PHACTR1: variants seen among roughly 807,000 people sequenced by gnomAD.
PHACTR1 encodes the protein phosphatase and actin regulator 1.
A neutral mutation model predicts 69.2 loss-of-function variants in PHACTR1; 16 were observed. The ratio of observed to expected loss-of-function variants is 0.23; its 90% CI spans 0.16 to 0.35. PHACTR1 has a LOEUF of 0.35. Ranked by LOEUF, PHACTR1 falls within the 10% of genes least tolerant of loss-of-function variation. The pLI is 1.00. For missense variants in PHACTR1, 510 were observed against 734.7 expected (o/e 0.69, Z 3.54); for synonymous variants, 312 against 284.5 (o/e 1.10, Z -0.97).
chr6:13,078,534 A>G (rs1810891973), intron 5 of PHACTR1, among the ~76,000 whole-genome samples: 1 of 152,188 alleles, frequency 6.6e-6, no homozygotes, highest in South Asian at 2.1e-4. Context: ...ATGACAGACT[A>G]TTGCTCTCAA....
In PHACTR1 at chr6:12,885,494, C is replaced by T. The variant is rs747030045; in HGVS notation, c.250+135704C>T. ...GGATAGAGGATGTTTGAGGCTTTGG[C>T]TATTTTTTCCCCCTTTGAAGTTGGA... On this transcript the variant is annotated intron_variant, in intron 4 of 14. Transcript: ENST00000332995. 5.9e-5 allele frequency among the ~76,000 whole-genome samples: 9 copies of T among 152,168 alleles called. No homozygotes were observed. The South Asian group carries it at 8.3e-4, about 14-fold the overall frequency.
chr6:13,102,630 C>T (rs1483603675), intron 5 of PHACTR1, among the ~76,000 whole-genome samples: 7 of 152,138 alleles, frequency 4.6e-5, no homozygotes, highest in African/African-American at 1.7e-4. Context: ...GTTGCCAGAT[C>T]TCTTTTAGGT....
At chr6:12,792,566 T>G (rs1772460596) in intron 4 of PHACTR1, among the ~76,000 whole-genome samples, 1 of 149,758 alleles carries the variant, frequency 6.7e-6, no homozygotes, top group African/African-American at 2.4e-5. Flanking sequence ...TCAAATGCAG[T>G]GCTATAGACC....
At chr6:13,163,026 C>T (rs1759273611) in intron 6 of PHACTR1, among the ~76,000 whole-genome samples, 1 of 152,166 alleles carries the variant, frequency 6.6e-6, no homozygotes, top group Admixed American at 6.5e-5. Flanking sequence ...CGGTGGATCG[C>T]TTGAGGTCAG....
At chr6:13,258,601 G>T (rs967468889) in intron 10 of PHACTR1, among the ~76,000 whole-genome samples, 1 of 152,212 alleles carries the variant, frequency 6.6e-6, no homozygotes, top group South Asian at 2.1e-4. Context: ...CACTAGTCTC[G>T]TGAAGGGTGA....
intron 4 of PHACTR1, among the ~76,000 whole-genome samples, chr6:12,841,842 CT>C (rs1256963620): frequency 6.6e-6 from 1 of 152,106 alleles, no homozygotes; most frequent in African/African-American, 2.4e-5. Context: ...ATCTTAACCC[CT>C]GGCAATATTC....
chr6:13,234,629 C>T (rs967647460), intron 10 of PHACTR1, among the ~76,000 whole-genome samples: 6 of 152,202 alleles, frequency 3.9e-5, no homozygotes, highest in Non-Finnish European at 8.8e-5. Context: ...TTCTGCAGAA[C>T]CTCCCAGCAT....
At chr6:13,211,379 C>T (rs929588748) in intron 8 of PHACTR1, among the ~76,000 whole-genome samples, 3 of 151,970 alleles carry the variant, frequency 2.0e-5, no homozygotes, top group Non-Finnish European at 4.4e-5. Context: ...CAGTAAGCTC[C>T]GTGATCTAGT....
At chr6:13,156,661 T>TG (rs1277825069) in intron 5 of PHACTR1, among the ~76,000 whole-genome samples, 7 of 152,328 alleles carry the variant, frequency 4.6e-5, no homozygotes, top group Admixed American at 2.0e-4. Flanking sequence ...CCCTAGCACA[T>TG]GCTTGATAAC....
intron 5 of PHACTR1, among the ~76,000 whole-genome samples, chr6:13,140,602 G>A (rs921335482): frequency 1.3e-5 from 2 of 152,200 alleles, no homozygotes; most frequent in African/African-American, 4.8e-5. Context: ...ATGGAGACAG[G>A]AAGTAGAATG....
At chr6:13,228,825 G>A (rs981033943) in intron 9 of PHACTR1, among the ~76,000 whole-genome samples, 7 of 152,252 alleles carry the variant, frequency 4.6e-5, no homozygotes, top group African/African-American at 1.7e-4. Context: ...CGTCTGCTAA[G>A]GGGCAACGCT....
chr6:12,786,226 T>A (rs1236178966), intron 4 of PHACTR1, among the ~76,000 whole-genome samples: 1 of 152,228 alleles, frequency 6.6e-6, no homozygotes, highest in Admixed American at 6.5e-5. Flanking sequence ...ATGCTACTCA[T>A]GAACTGATGG....
At position 12,929,742 on chromosome 6, in the gene PHACTR1, C is replaced by T. The variant is rs540235405; in HGVS notation, c.251-123623C>T. 2.6e-5 allele frequency among the ~76,000 whole-genome samples: 4 copies of T among 152,316 alleles called. No individual in the cohort carries two copies. The East Asian group carries it at 7.7e-4, about 29-fold the overall frequency. ...TGTTACCTTGGTTTAGAAAAATGCA[C>T]CCAGCATCCCTAGATAATATTTTGG... On this transcript the variant is annotated intron_variant, in intron 4 of 14. Coordinates refer to ENST00000332995, the MANE Select transcript of PHACTR1 (RefSeq NM_030948.6).
chr6:12,855,217 T>C (rs574680774), intron 4 of PHACTR1, among the ~76,000 whole-genome samples: 28 of 152,264 alleles, frequency 1.8e-4, no homozygotes, highest in African/African-American at 6.0e-4. Flanking sequence ...AAAAAACCAA[T>C]TGGCCGGGTG....
chr6:13,246,543 G>A lies in PHACTR1; in HGVS notation c.1391+16350G>A, dbSNP rs1241941004. Among the ~76,000 whole-genome samples the A allele has an allele frequency of 1.3e-5, 2 of 151,996 alleles. No homozygotes were observed. Among genetic ancestry groups the A allele is most frequent in the Non-Finnish European group, 2.9e-5 (2 of 68,022 alleles). ...GCCTATTCTTGTGATTCTTTCAAAT[G>A]ATAAGTGAAACTCTAATCATGTATA... On this transcript the variant is annotated intron_variant, in intron 10 of 14. Coordinates refer to ENST00000332995, the MANE Select transcript of PHACTR1 (RefSeq NM_030948.6). This position sits in a 1 kb window ranked among gnomAD's most constrained non-coding sequence, Gnocchi z 4.2.
intron 4 of PHACTR1, among the ~76,000 whole-genome samples, chr6:12,896,477 C>T (rs1349552231): frequency 1.3e-5 from 2 of 152,160 alleles, no homozygotes; most frequent in African/African-American, 2.4e-5. Context: ...TGAGCTATCC[C>T]GTCTGAACTG....
chr6:12,884,044 A>G (rs1464539904), intron 4 of PHACTR1, among the ~76,000 whole-genome samples: 1 of 151,976 alleles, frequency 6.6e-6, no homozygotes, highest in Non-Finnish European at 1.5e-5. Context: ...ATGCATACAT[A>G]TATACACAGT....
rs191117263 is a variant in PHACTR1, at chr6:12,828,515, G to C, written c.250+78725G>C. 1.9e-3 allele frequency among the ~76,000 whole-genome samples: 291 copies of C among 152,066 alleles called. 2 individuals carry two copies. Among genetic ancestry groups the C allele is most frequent in the African/African-American group, 6.4e-3 (266 of 41,492 alleles). On this transcript the variant is annotated intron_variant, in intron 4 of 14. Transcript: ENST00000332995. ...TTTGTTTCTTTTATTCGTAATATTG[G>C]GTGACTTGTAGTATTTTAAATCCAC...
At chr6:13,135,888 A>C (rs1424165170) in intron 5 of PHACTR1, among the ~76,000 whole-genome samples, 1 of 152,096 alleles carries the variant, frequency 6.6e-6, no homozygotes, top group Non-Finnish European at 1.5e-5. Context: ...TAAAAAATAA[A>C]TAAAAATGTA....
Sources: allele counts gnomAD v4.1 joint callset (sites outside exome capture counted in the v4.1 genomes callset), GRCh38; gene constraint gnomAD v4.1.1; non-coding constraint Gnocchi (gnomAD v3.1); transcripts MANE v1.5; gene names NCBI Gene and HGNC (gene_info 2026-07-23, HGNC 2026-07-21).